EFCAB6: variants seen among roughly 807,000 people sequenced by gnomAD.
EFCAB6 encodes EF-hand calcium-binding domain-containing protein 6.
In EFCAB6, 156 loss-of-function variants were observed where a neutral mutation model predicts 169.8. The ratio of observed to expected loss-of-function variants is 0.92; its 90% CI spans 0.81 to 1.05. The LOEUF (loss-of-function observed/expected upper bound fraction) is 1.05. Ranked by LOEUF, EFCAB6 falls within the 50% of genes least tolerant of loss-of-function variation. The pLI, the probability that EFCAB6 is intolerant of heterozygous loss-of-function variation, is 0.00. For missense variants in EFCAB6, 1,800 were observed against 1,829.1 expected, an observed-to-expected ratio of 0.98 and a Z score of 0.29; for synonymous variants, 698 against 676.4, an observed-to-expected ratio of 1.03 and a Z score of -0.50.
intron 7 of EFCAB6, among the ~76,000 whole-genome samples, chr22:43,734,341 TTC>T (rs2060058382): frequency 6.6e-6 from 1 of 152,244 alleles, no homozygotes. Context: ...TCTTCTGTGT[TTC>T]TGAGTCTAAA....
At chr22:43,690,640 T>TG (rs542385701) in intron 10 of EFCAB6, among the ~76,000 whole-genome samples, 162 of 152,108 alleles carry the variant, frequency 1.1e-3, no homozygotes, top group African/African-American at 3.7e-3. Flanking sequence ...TGCAATGGTG[T>TG]GGCCCTGCTC....
At chr22:43,794,424 C>G (rs1275096539) in intron 2 of EFCAB6, among the ~76,000 whole-genome samples, 1 of 152,108 alleles carries the variant, frequency 6.6e-6, no homozygotes, top group South Asian at 2.1e-4. Flanking sequence ...AAGCCAAGAC[C>G]CAAACTCCGG....
In EFCAB6 at chr22:43,579,627, C is replaced by A. The variant is rs183462472; in HGVS notation, c.3228+837G>T. On this transcript the variant is annotated intron_variant, in intron 25 of 31. Transcript: ENST00000262726. ...GCATGCAGGCATCATTCCCTACATGCAAGCATCATTCCATACATATAGGCA... is the reference window on the plus strand; with the variant it reads ...GCATGCAGGCATCATTCCCTACATGAAAGCATCATTCCATACATATAGGCA... Among the ~76,000 whole-genome samples the A allele has an allele frequency of 1.6e-3, 237 of 150,712 alleles. 2 individuals carry two copies. Among genetic ancestry groups the A allele is most frequent in the African/African-American group, 5.5e-3 (223 of 40,834 alleles).
chr22:43,564,245 C>T (rs2049272284), intron 26 of EFCAB6, among the ~76,000 whole-genome samples: 2 of 151,876 alleles, frequency 1.3e-5, no homozygotes, highest in South Asian at 4.1e-4. Flanking sequence ...GTCAGGAGTT[C>T]GAGACCAGCC....
intron 9 of EFCAB6, among the ~76,000 whole-genome samples, chr22:43,713,547 T>C (rs2059231118): frequency 6.6e-6 from 1 of 152,108 alleles, no homozygotes; most frequent in Non-Finnish European, 1.5e-5. Flanking sequence ...TGTAAATCAA[T>C]ATGGTGGCAA....
Position 43,537,574 on chromosome 22 carries a change from T to G in EFCAB6, c.3880-29A>C. The G allele has an allele frequency of 6.3e-7, 1 of 1,580,158 alleles. No homozygotes were observed. ...GCAGGGAAGAAAAGAAAAGGCTCTT[T>G]TCACTTAAGATTTAAAACGGAAGTC... On this transcript the variant is annotated intron_variant, in intron 28 of 31. Transcript: ENST00000262726. This position sits in a 1 kb window ranked among gnomAD's most constrained non-coding sequence, Gnocchi z 4.3.
At position 43,533,931 on chromosome 22, in the gene EFCAB6, A is replaced by G. The variant is rs60992865; in HGVS notation, c.4233+757T>C. 5.3e-3 allele frequency among the ~76,000 whole-genome samples: 804 copies of G among 152,298 alleles called. 8 individuals are homozygous for G. Among genetic ancestry groups the G allele is most frequent in the African/African-American group, 0.019 (779 of 41,568 alleles). Reference sequence around the variant, plus strand: ...GCCTCTGAGTCCACCTTTTCTGTGAAGCTAGGTGATCCGCAAGTGCGACAA... The same window carrying G: ...GCCTCTGAGTCCACCTTTTCTGTGAGGCTAGGTGATCCGCAAGTGCGACAA... On this transcript the variant is annotated intron_variant, in intron 30 of 31. Transcript: ENST00000262726.
intron 24 of EFCAB6, among the ~76,000 whole-genome samples, chr22:43,585,846 C>T (rs886511307): frequency 2.0e-5 from 3 of 152,052 alleles, no homozygotes; most frequent in Non-Finnish European, 4.4e-5. Context: ...ATCATGCAAC[C>T]AAGAGGAGAG....
At chr22:43,559,323 C>T (rs112706094) in intron 26 of EFCAB6, among the ~76,000 whole-genome samples, 3,242 of 152,250 alleles carry the variant, frequency 0.021, 117 homozygotes, top group African/African-American at 0.074. Flanking sequence ...TACCCTCTTA[C>T]GCCAGTTAGA....
At chr22:43,531,516 A>G (rs1381762104) in intron 30 of EFCAB6, among the ~76,000 whole-genome samples, 2 of 152,232 alleles carry the variant, frequency 1.3e-5, no homozygotes, top group African/African-American at 4.8e-5. Context: ...TTTAGGTGCT[A>G]TTAGATTGAA....
At chr22:43,656,644 G>C (rs2056759270) in intron 17 of EFCAB6, among the ~76,000 whole-genome samples, 1 of 152,206 alleles carries the variant, frequency 6.6e-6, no homozygotes, top group Admixed American at 6.5e-5. Flanking sequence ...ATAATACCAT[G>C]CTGTACAGAT....
intron 10 of EFCAB6, among the ~76,000 whole-genome samples, chr22:43,696,409 A>G (rs909417156): frequency 6.6e-6 from 1 of 152,172 alleles, no homozygotes; most frequent in Non-Finnish European, 1.5e-5. Context: ...ATTTAAACAT[A>G]CACTCACCAT....
chr22:43,764,830 G>C (rs2061275656), intron 5 of EFCAB6, among the ~76,000 whole-genome samples: 1 of 151,224 alleles, frequency 6.6e-6, no homozygotes, highest in East Asian at 1.9e-4. Context: ...AAAAAAAAAA[G>C]AGTCCCATGC....
chr22:43,613,599 G>A (rs957595092), intron 21 of EFCAB6, among the ~76,000 whole-genome samples: 1 of 152,054 alleles, frequency 6.6e-6, no homozygotes, highest in Non-Finnish European at 1.5e-5. Flanking sequence ...AACAGGCACT[G>A]AGACCTACTT....
chr22:43,635,212 A>G lies in EFCAB6; in HGVS notation c.1988T>C (p.Leu663Pro), dbSNP rs375558407. 5.8e-5 allele frequency: 94 copies of G among 1,613,182 alleles called. No homozygotes were observed. The highest frequency in any genetic ancestry group is 7.6e-5 in the Non-Finnish European group (90 of 1,179,290). ...GTCCATGGGCATCCCAGTGTCTTCC[A>G]GTACCTGACGAGGGAGACAGGGGAG... ...KINVHDFKKVLEDTGMPMDDD... is the reference protein window; with the variant it reads ...KINVHDFKKVPEDTGMPMDDD... The change falls in exon 18 of 32, where the codon CTG (leucine) becomes CCG (proline). Residue 663 changes from leucine to proline, a missense_variant. Transcript: ENST00000262726.
In EFCAB6 at chr22:43,802,893, ATTG is replaced by A. The variant is rs377301382; in HGVS notation, c.-8+6099_-8+6101del. 4.1e-3 allele frequency: 1,119 copies of A among 271,078 alleles called. 8 individuals carry two copies. Among genetic ancestry groups the A allele is most frequent in the Non-Finnish European group, 6.2e-3 (861 of 138,244 alleles). The allele number at this position is 271,078 out of a possible 1,614,324, so 16.8% of individuals were successfully genotyped here. On this transcript the variant is annotated intron_variant, in intron 2 of 31. Transcript: ENST00000262726. ...ATATTGTTAGCACACAGAACACTTCATTGTTGTCTTTTGGGGAAGGAGCCTATG... is the reference window on the plus strand; with the variant it reads ...ATATTGTTAGCACACAGAACACTTCATTGTCTTTTGGGGAAGGAGCCTATG...
chr22:43,712,379 C>T (rs936425678), intron 9 of EFCAB6, among the ~76,000 whole-genome samples: 11 of 151,996 alleles, frequency 7.2e-5, no homozygotes, highest in African/African-American at 2.7e-4. Flanking sequence ...AACAAAATCA[C>T]CACAACTTGG....
At chr22:43,683,394 T>C (rs1239394756) in intron 12 of EFCAB6, among the ~76,000 whole-genome samples, 4 of 152,112 alleles carry the variant, frequency 2.6e-5, no homozygotes, top group African/African-American at 9.7e-5. Context: ...AACTCTAGGT[T>C]AGGGTGGGGA....
chr22:43,755,730 G>C lies in EFCAB6; in HGVS notation c.507+36C>G, dbSNP rs745911583. 4 of 1,544,114 alleles carry C rather than the reference G, an allele frequency of 2.6e-6. No homozygotes were observed. In the South Asian group the frequency reaches 4.9e-5, roughly 19 times the overall value. On this transcript the variant is annotated intron_variant, in intron 6 of 31. Transcript: ENST00000262726. Reference sequence around the variant, plus strand: ...AACAATTACTGCTGACAATGGGTGGGGTGGGGGGAAATCATTTCTTTAAAA... The same window carrying C: ...AACAATTACTGCTGACAATGGGTGGCGTGGGGGGAAATCATTTCTTTAAAA...
Sources: gnomAD v4.1 joint callset for allele counts (sites outside exome capture counted in the v4.1 genomes callset) on GRCh38, gnomAD v4.1.1 for gene constraint, Gnocchi (gnomAD v3.1) non-coding constraint, MANE v1.5 for transcripts, NCBI Gene and HGNC (gene_info 2026-07-23, HGNC 2026-07-21) for gene names.